The following MFHAS1 variants were observed in gnomAD, a reference collection of about 807,000 sequenced individuals.
The protein encoded by MFHAS1 is malignant fibrous histiocytoma-amplified sequence 1.
A neutral mutation model predicts 70.4 loss-of-function variants in MFHAS1; 50 were observed. The observed-to-expected ratio is 0.71, with a 90% CI of 0.57 to 0.90. MFHAS1 has a LOEUF of 0.90. Among genes scored for constraint, MFHAS1 ranks in the 40% least tolerant of loss-of-function variants. The pLI is 0.00. For missense variants in MFHAS1, 1,795 were observed against 1,347.6 expected, an observed-to-expected ratio of 1.33 and a Z score of -5.20; for synonymous variants, 952 against 620.0, an observed-to-expected ratio of 1.54 and a Z score of -7.96.
intron 1 of MFHAS1, among the ~76,000 whole-genome samples, chr8:8,868,154 C>A (rs112826804): frequency 1.3e-5 from 2 of 152,146 alleles, no homozygotes; most frequent in Non-Finnish European, 2.9e-5. Flanking sequence ...TCAGTTGAAT[C>A]TCCCAGGTGC....
intron 1 of MFHAS1, among the ~76,000 whole-genome samples, chr8:8,874,428 T>A (rs1401543869): frequency 6.6e-6 from 1 of 152,012 alleles, no homozygotes; most frequent in Admixed American, 6.6e-5. Flanking sequence ...ATCTCAAAAA[T>A]ATATTTTGAA....
intron 1 of MFHAS1, among the ~76,000 whole-genome samples, chr8:8,833,913 G>T (rs1288797743): frequency 6.6e-6 from 1 of 152,008 alleles, no homozygotes; most frequent in Non-Finnish European, 1.5e-5. Flanking sequence ...ATCACCTGAG[G>T]ACAGGAGTTC....
intron 1 of MFHAS1, among the ~76,000 whole-genome samples, chr8:8,850,242 T>C (rs1808191984): frequency 6.6e-6 from 1 of 152,194 alleles, no homozygotes; most frequent in Admixed American, 6.5e-5. Context: ...CCTTGGTAAA[T>C]GTTAACAGTT....
rs1399061307 is a variant in MFHAS1, at chr8:8,785,390, T to TTC, written c.*631_*632insGA. 1 of 151,744 alleles carries TTC rather than the reference T, an allele frequency of 6.6e-6. No individual in the cohort carries two copies. The highest frequency in any genetic ancestry group is 6.6e-5 in the Admixed American group (1 of 15,166). The allele number at this position is 151,744 out of a possible 1,614,324, so 9.4% of individuals were successfully genotyped here. On this transcript the variant is annotated 3_prime_UTR_variant, in exon 3 of 3. Coordinates refer to ENST00000276282, the MANE Select transcript of MFHAS1 (RefSeq NM_004225.3). ...TAATCCATGGGCTAACAGAGAGATT[T>TTC]TTTTTTTAATGTGAAGAGGATTAAA...
At chr8:8,798,628 T>C (rs966739102) in intron 1 of MFHAS1, among the ~76,000 whole-genome samples, 1 of 152,172 alleles carries the variant, frequency 6.6e-6, no homozygotes, top group Non-Finnish European at 1.5e-5. Flanking sequence ...TGAGCCACCA[T>C]GTCTGGCTTC....
chr8:8,890,315 T>C lies in MFHAS1; in HGVS notation c.2744A>G (p.Gln915Arg). The C allele has an allele frequency of 6.2e-7, 1 of 1,614,206 alleles. No individual in the cohort carries two copies. Among genetic ancestry groups the C allele is most frequent in the Non-Finnish European group, 8.5e-7 (1 of 1,180,028 alleles). The part of the protein sequence containing the change: ...HVVHRSDGKF[Q>R]IFAYRGKVPV... ...AACTTTCCCTCTATAGGCAAAGATC[T>C]GAAATTTACCATCCGACCTGTGCAC... The change falls in exon 1 of 3, where the codon CAG becomes CGG. Residue 915 changes from glutamine to arginine, a missense_variant. By Grantham distance (43) the Gln-to-Arg change is conservative. Coordinates refer to ENST00000276282, the MANE Select transcript of MFHAS1 (RefSeq NM_004225.3).
chr8:8,848,460 G>C (rs1563202492), intron 1 of MFHAS1, among the ~76,000 whole-genome samples: 1 of 151,168 alleles, frequency 6.6e-6, no homozygotes, highest in Non-Finnish European at 1.5e-5. Flanking sequence ...GCAGGCAAAG[G>C]AATAAAAGTG....
intron 1 of MFHAS1, among the ~76,000 whole-genome samples, chr8:8,856,778 G>T (rs918818432): frequency 6.6e-6 from 1 of 152,028 alleles, no homozygotes; most frequent in African/African-American, 2.4e-5. Context: ...TGAGTTAATG[G>T]ATGGTTTCAA....
At chr8:8,850,448 T>G (rs1053132945) in intron 1 of MFHAS1, among the ~76,000 whole-genome samples, 1 of 152,254 alleles carries the variant, frequency 6.6e-6, no homozygotes, top group African/African-American at 2.4e-5. Flanking sequence ...GAACAGACTT[T>G]AGAGATCATT....
intron 1 of MFHAS1, among the ~76,000 whole-genome samples, chr8:8,828,674 A>G (rs895732857): frequency 6.6e-6 from 1 of 152,232 alleles, no homozygotes; most frequent in African/African-American, 2.4e-5. Context: ...ATAACTGGAG[A>G]TGCCCACTGC....
rs201372453 is a variant in MFHAS1, at chr8:8,891,190, G to C, written c.1869C>G (p.Pro623=). 57 of 1,612,956 alleles carry C rather than the reference G, an allele frequency of 3.5e-5. No individual in the cohort carries two copies. The East Asian group carries it at 5.8e-4, about 16-fold the overall frequency. Reference sequence around the variant, plus strand: ...GGTCCCTGCAGCTAACAGGCAACACGGGGGAGAGGATCTGCAGCCGGTGGT... The same window carrying C: ...GGTCCCTGCAGCTAACAGGCAACACCGGGGAGAGGATCTGCAGCCGGTGGT... The part of the protein sequence containing the change: ...LLNHRLQILS[P]VLPVSCRDPR... The change falls in exon 1 of 3, where the codon CCC becomes CCG. Residue 623 remains proline (P), a synonymous_variant. Transcript: ENST00000276282. The surrounding 1 kb of genome is among the most constrained non-coding windows in gnomAD (Gnocchi z 5.4).
chr8:8,857,487 G>A (rs766725166), intron 1 of MFHAS1, among the ~76,000 whole-genome samples: 1 of 152,094 alleles, frequency 6.6e-6, no homozygotes, highest in Non-Finnish European at 1.5e-5. Context: ...GGCCCGGCGC[G>A]GTGTCTAACG....
chr8:8,853,428 G>C (rs1347129634), intron 1 of MFHAS1, among the ~76,000 whole-genome samples: 7 of 132,638 alleles, frequency 5.3e-5, no homozygotes, highest in African/African-American at 1.4e-4. Flanking sequence ...ATTTTTGTTA[G>C]TTAACCTGGA....
Position 8,853,658 on chromosome 8 carries a change from C to T in MFHAS1, c.2998+36403G>A, listed in dbSNP as rs184130636. ...CTCAGCTCACTGCAAACTCCGCCTC[C>T]AGGGTTCAAGCGATTCTCCTGTCTC... is the stretch of plus-strand genomic sequence containing the variant. On this transcript the variant is annotated intron_variant, in intron 1 of 2. Transcript: ENST00000276282. 6.6e-5 allele frequency among the ~76,000 whole-genome samples: 10 copies of T among 152,250 alleles called. No individual in the cohort carries two copies. In the East Asian group the frequency reaches 9.7e-4, roughly 15 times the overall value.
At chr8:8,850,099 G>A (rs550507214) in intron 1 of MFHAS1, among the ~76,000 whole-genome samples, 2 of 152,160 alleles carry the variant, frequency 1.3e-5, no homozygotes, top group African/African-American at 4.8e-5. Flanking sequence ...CTAGGTTTGA[G>A]GCTACCAAAA....
chr8:8,847,588 G>C (rs1376167626), intron 1 of MFHAS1, among the ~76,000 whole-genome samples: 1 of 152,178 alleles, frequency 6.6e-6, no homozygotes, highest in Non-Finnish European at 1.5e-5. Context: ...GACAGCTGGT[G>C]GTTATATACT....
intron 1 of MFHAS1, among the ~76,000 whole-genome samples, chr8:8,830,119 T>G (rs544947575): frequency 2.0e-5 from 3 of 152,272 alleles, no homozygotes; most frequent in African/African-American, 7.2e-5. Flanking sequence ...TCTCCAATCC[T>G]GGGATCTGTC....
At chr8:8,871,614 A>T (rs1043164725) in intron 1 of MFHAS1, among the ~76,000 whole-genome samples, 4 of 152,166 alleles carry the variant, frequency 2.6e-5, no homozygotes, top group Non-Finnish European at 5.9e-5. Flanking sequence ...CACAACATCT[A>T]AGGAGACTCT....
At chr8:8,802,414 G>A (rs78847144) in intron 1 of MFHAS1, among the ~76,000 whole-genome samples, 211 of 152,272 alleles carry the variant, frequency 1.4e-3, no homozygotes, top group Middle Eastern at 3.4e-3. Context: ...CTGTAGTCAC[G>A]AGAAGATTCT....
Sources: allele counts gnomAD v4.1 joint callset (sites outside exome capture counted in the v4.1 genomes callset), GRCh38; gene constraint gnomAD v4.1.1; non-coding constraint Gnocchi (gnomAD v3.1); transcripts MANE v1.5; gene names NCBI Gene and HGNC (gene_info 2026-07-23, HGNC 2026-07-21).